The following ADGRB3 variants were observed in gnomAD, a reference collection of about 807,000 sequenced individuals.
The protein encoded by ADGRB3 is brain-specific angiogenesis inhibitor 3.
ADGRB3 carries 37 observed loss-of-function variants against 193.4 expected under a neutral mutation model. The ratio of observed to expected loss-of-function variants is 0.19; its 90% CI spans 0.15 to 0.25. The LOEUF (loss-of-function observed/expected upper bound fraction) is 0.25, where lower values mean the gene tolerates loss of function less well. ADGRB3 is among the 10% of genes least tolerant of loss of function. The pLI, the probability that ADGRB3 is intolerant of heterozygous loss-of-function variation, is 1.00. For synonymous variants in ADGRB3, 690 were observed against 644.2 expected (o/e 1.07, Z -1.08); for missense variants, 1,637 against 1,852.9 (o/e 0.88, Z 2.14).
intron 17 of ADGRB3, among the ~76,000 whole-genome samples, chr6:69,222,684 A>G (rs757742347): frequency 3.9e-5 from 6 of 152,144 alleles, no homozygotes; most frequent in Non-Finnish European, 8.8e-5. Context: ...ATATTATCTA[A>G]TATTTATTGA....
Position 69,069,553 on chromosome 6 carries a change from C to CAAAAAAAAAAAAAAAAAAAAAAAAA in ADGRB3, c.2437-6438_2437-6414dup, listed in dbSNP as rs57616226. The stretch of plus-strand genomic sequence containing the variant: ...TGAAACCCCGTCTCTACTAAAAATA[C>CAAAAAAAAAAAAAAAAAAAAAAAAA]AAAAAAAAAAAAAAAAAAAAAAAAA... On this transcript the variant is annotated intron_variant, in intron 16 of 31. Coordinates refer to ENST00000370598, the MANE Select transcript of ADGRB3 (RefSeq NM_001704.3). Among the ~76,000 whole-genome samples, 11 of 31,782 alleles carry CAAAAAAAAAAAAAAAAAAAAAAAAA rather than the reference C, an allele frequency of 3.5e-4. 5 individuals are homozygous for CAAAAAAAAAAAAAAAAAAAAAAAAA. The highest frequency in any genetic ancestry group is 3.5e-4 in the Non-Finnish European group (7 of 20,206). 20.9% of individuals were successfully genotyped at this position (31,782 alleles called of 152,430 possible).
At chr6:69,141,370 G>A (rs970651152) in intron 17 of ADGRB3, among the ~76,000 whole-genome samples, 5 of 152,104 alleles carry the variant, frequency 3.3e-5, no homozygotes, top group African/African-American at 9.6e-5. Flanking sequence ...TGATCCACCC[G>A]CCTCGGCCTC....
chr6:68,789,311 T>C (rs1403033920), intron 3 of ADGRB3, among the ~76,000 whole-genome samples: 1 of 152,230 alleles, frequency 6.6e-6, no homozygotes, highest in Non-Finnish European at 1.5e-5. Context: ...CCTTTCCATG[T>C]TTAGTGCTTC....
chr6:69,335,917 C>T (rs1175343739), intron 24 of ADGRB3, among the ~76,000 whole-genome samples: 2 of 151,924 alleles, frequency 1.3e-5, no homozygotes, highest in African/African-American at 4.8e-5. Context: ...TAGAAACAGC[C>T]AACCATATAG....
Position 68,761,791 on chromosome 6 carries a change from A to G in ADGRB3, c.757+122359A>G, listed in dbSNP as rs553648745. Among the ~76,000 whole-genome samples, 21 of 144,420 alleles carry G rather than the reference A, an allele frequency of 1.5e-4. 1 individual carries two copies. Among genetic ancestry groups the G allele is most frequent in the African/African-American group, 5.3e-4 (20 of 37,416 alleles). 94.7% of individuals were successfully genotyped at this position (144,420 alleles called of 152,430 possible). A position where few individuals can be genotyped will look rare whatever the true frequency, so the allele number is the denominator to read the frequency against. On this transcript the variant is annotated intron_variant, in intron 3 of 31. Transcript: ENST00000370598. ...TTTACTATTAGGTTTTCTACTCATC[A>G]TTACACTGTGTTCAAAAATGGTAAT...
chr6:69,051,931 G>T (rs555080574), intron 15 of ADGRB3, among the ~76,000 whole-genome samples: 1 of 152,082 alleles, frequency 6.6e-6, no homozygotes, highest in African/African-American at 2.4e-5. Flanking sequence ...GTCTCGCTCT[G>T]TTGCCCAGGC....
intron 3 of ADGRB3, among the ~76,000 whole-genome samples, chr6:68,685,011 A>G (rs1764957915): frequency 6.6e-6 from 1 of 152,082 alleles, no homozygotes; most frequent in Non-Finnish European, 1.5e-5. Flanking sequence ...GACTCAACAG[A>G]CCCTGGGAAA....
intron 3 of ADGRB3, among the ~76,000 whole-genome samples, chr6:68,921,779 G>A (rs2150242516): frequency 6.6e-6 from 1 of 151,680 alleles, no homozygotes; most frequent in South Asian, 2.1e-4. Flanking sequence ...ATCTTCTGAG[G>A]TATAGAGAGA....
At chr6:68,637,802 ATT>A (rs3839456) in intron 2 of ADGRB3, among the ~76,000 whole-genome samples, 178 of 148,644 alleles carry the variant, frequency 1.2e-3, no homozygotes, top group African/African-American at 2.4e-3. Context: ...ATGGTTCTGG[ATT>A]TTTTTTTTTT....
At chr6:69,137,856 A>G (rs555621475) in intron 17 of ADGRB3, among the ~76,000 whole-genome samples, 89 of 152,186 alleles carry the variant, frequency 5.8e-4, no homozygotes, top group African/African-American at 2.0e-3. Flanking sequence ...CACAATAGAT[A>G]CCTTTCTCTG....
At chr6:68,969,514 G>A (rs1288046386) in intron 8 of ADGRB3, among the ~76,000 whole-genome samples, 1 of 152,114 alleles carries the variant, frequency 6.6e-6, no homozygotes, top group African/African-American at 2.4e-5. Flanking sequence ...GTGTTATCCT[G>A]TCAGTACTGG....
At chr6:68,796,218 T>A (rs1767204654) in intron 3 of ADGRB3, among the ~76,000 whole-genome samples, 1 of 152,172 alleles carries the variant, frequency 6.6e-6, no homozygotes, top group Non-Finnish European at 1.5e-5. Flanking sequence ...TAGATCGAGC[T>A]CTATATTGAT....
intron 8 of ADGRB3, among the ~76,000 whole-genome samples, chr6:68,967,031 A>C (rs955879804): frequency 6.6e-6 from 1 of 152,186 alleles, no homozygotes. Flanking sequence ...TAAAATAGTT[A>C]AAGCAGCTGT....
intron 3 of ADGRB3, among the ~76,000 whole-genome samples, chr6:68,666,360 T>A (rs1768801332): frequency 2.6e-5 from 4 of 151,950 alleles, no homozygotes; most frequent in Admixed American, 2.6e-4. Flanking sequence ...TATCTCTATG[T>A]TCTCTTCCAC....
chr6:69,146,930 A>G (rs1181656432), intron 17 of ADGRB3, among the ~76,000 whole-genome samples: 1 of 146,028 alleles, frequency 6.8e-6, no homozygotes, highest in African/African-American at 2.5e-5. Flanking sequence ...TAGGTTTGCC[A>G]ATTCGTTCAT....
At chr6:69,029,380 C>T (rs1770547891) in intron 13 of ADGRB3, among the ~76,000 whole-genome samples, 1 of 152,212 alleles carries the variant, frequency 6.6e-6, no homozygotes, top group Non-Finnish European at 1.5e-5. Flanking sequence ...GTTACTCCTT[C>T]AGTCTCCATC....
intron 17 of ADGRB3, among the ~76,000 whole-genome samples, chr6:69,199,873 A>G (rs1765384284): frequency 6.6e-6 from 1 of 152,142 alleles, no homozygotes; most frequent in Non-Finnish European, 1.5e-5. Flanking sequence ...CTAGAATTAA[A>G]AGTGATTATG....
chr6:68,641,081 G>A lies in ADGRB3; in HGVS notation c.757+1649G>A, dbSNP rs12332936. On this transcript the variant is annotated intron_variant, in intron 3 of 31. Transcript: ENST00000370598. ...AAGCTACAGTACACACAAAAAATGTGATGTTACAAACTGGCTAATAAACCA... is the reference window on the plus strand; with the variant it reads ...AAGCTACAGTACACACAAAAAATGTAATGTTACAAACTGGCTAATAAACCA... Among the ~76,000 whole-genome samples, 1,030 of 152,286 alleles carry A rather than the reference G, an allele frequency of 6.8e-3. 17 individuals carry two copies. Among genetic ancestry groups the A allele is most frequent in the African/African-American group, 0.024 (989 of 41,564 alleles).
chr6:69,078,642 T>C (rs1772301233), intron 17 of ADGRB3, among the ~76,000 whole-genome samples: 1 of 152,016 alleles, frequency 6.6e-6, no homozygotes, highest in Non-Finnish European at 1.5e-5. Flanking sequence ...TTAATTTTAG[T>C]CTCTAAACTG....
Sources: allele counts gnomAD v4.1 joint callset (sites outside exome capture counted in the v4.1 genomes callset), GRCh38; gene constraint gnomAD v4.1.1; transcripts MANE v1.5; gene names NCBI Gene and HGNC (gene_info 2026-07-23, HGNC 2026-07-21).